The following OPCML variants were observed in gnomAD, a reference collection of about 807,000 sequenced individuals.
The protein encoded by OPCML is opioid-binding protein/cell adhesion molecule.
In OPCML, 13 loss-of-function variants were observed where a neutral mutation model predicts 37.8. The observed-to-expected ratio is 0.34, with a 90% CI of 0.22 to 0.55. The LOEUF is 0.55. Among genes scored for constraint, OPCML ranks in the 20% least tolerant of loss-of-function variants. The pLI, the probability that OPCML is intolerant of heterozygous loss-of-function variation, is 0.91. For synonymous variants in OPCML, 176 were observed against 168.8 expected, an observed-to-expected ratio of 1.04 and a Z score of -0.33; for missense variants, 341 against 435.6, an observed-to-expected ratio of 0.78 and a Z score of 1.93.
At chr11:132,451,610 A>G (rs11223079) in intron 4 of OPCML, among the ~76,000 whole-genome samples, 32,826 of 152,072 alleles carry the variant, frequency 0.22, 7,221 homozygotes, top group African/African-American at 0.56. Context: ...GTTTAGGAGC[A>G]CTGAGGGGAT....
At chr11:133,236,891 T>C (rs1276086260) in intron 1 of OPCML, among the ~76,000 whole-genome samples, 1 of 134,666 alleles carries the variant, frequency 7.4e-6, no homozygotes, top group Non-Finnish European at 1.6e-5. Flanking sequence ...GACATAGCAG[T>C]AGGGAGGATG....
At chr11:133,198,052 G>T (rs371888705) in intron 1 of OPCML, among the ~76,000 whole-genome samples, 3 of 152,098 alleles carry the variant, frequency 2.0e-5, no homozygotes, top group Non-Finnish European at 4.4e-5. Flanking sequence ...ACACTTCTAC[G>T]CTAGCAGAAA....
intron 4 of OPCML, among the ~76,000 whole-genome samples, chr11:132,437,791 T>TA (rs1329257518): frequency 2.6e-5 from 4 of 152,234 alleles, no homozygotes; most frequent in Admixed American, 1.3e-4. Context: ...TTTTCATTTG[T>TA]AGAAATGTTT....
intron 2 of OPCML, among the ~76,000 whole-genome samples, chr11:132,726,292 C>T (rs578055392): frequency 1.3e-5 from 2 of 152,272 alleles, no homozygotes; most frequent in South Asian, 2.1e-4. Context: ...GAACAAGTCA[C>T]ATCTTACATG....
intron 4 of OPCML, among the ~76,000 whole-genome samples, chr11:132,476,125 A>T (rs2096154641): frequency 6.6e-6 from 1 of 152,244 alleles, no homozygotes; most frequent in Non-Finnish European, 1.5e-5. Context: ...ATTTACATGC[A>T]AATTTCAAAT....
chr11:132,438,610 G>A (rs1416622836), intron 4 of OPCML, among the ~76,000 whole-genome samples: 2 of 151,904 alleles, frequency 1.3e-5, no homozygotes, highest in African/African-American at 4.8e-5. Context: ...GGTGTAGGGT[G>A]TGCAGCAGGA....
intron 2 of OPCML, among the ~76,000 whole-genome samples, chr11:132,878,423 T>C (rs1943103072): frequency 6.6e-6 from 1 of 152,186 alleles, no homozygotes; most frequent in Admixed American, 6.5e-5. Flanking sequence ...ACAAAAAGGC[T>C]GAGTAAGGAA....
intron 1 of OPCML, among the ~76,000 whole-genome samples, chr11:133,274,005 T>C (rs904101656): frequency 2.6e-5 from 4 of 152,228 alleles, no homozygotes; most frequent in African/African-American, 9.6e-5. Context: ...TACAAATATA[T>C]AAACATATTT....
At chr11:132,802,386 C>A (rs936486966) in intron 2 of OPCML, among the ~76,000 whole-genome samples, 2 of 152,196 alleles carry the variant, frequency 1.3e-5, no homozygotes, top group African/African-American at 4.8e-5. Flanking sequence ...CCTTGCTTGC[C>A]TATCCAGCTG....
intron 2 of OPCML, among the ~76,000 whole-genome samples, chr11:132,887,888 G>C (rs532799689): frequency 1.4e-4 from 22 of 152,316 alleles, no homozygotes; most frequent in Admixed American, 3.9e-4. Context: ...CTATCCCAGA[G>C]AGAATTTCTC....
At chr11:133,078,310 T>C (rs1324857263) in intron 1 of OPCML, among the ~76,000 whole-genome samples, 2 of 152,112 alleles carry the variant, frequency 1.3e-5, no homozygotes, top group Non-Finnish European at 2.9e-5. Context: ...CAACACAGTA[T>C]CACCTACATT....
chr11:132,631,373 A>G lies in OPCML; in HGVS notation c.379+25714T>C, dbSNP rs991934221. ...TATACATATATATATATATATATAT[A>G]TATCTCCTAGGTGTAAATATACATA... On this transcript the variant is annotated intron_variant, in intron 3 of 7. Coordinates refer to ENST00000524381, the MANE Select transcript of OPCML (RefSeq NM_001012393.5). Among the ~76,000 whole-genome samples, 5 of 134,008 alleles carry G rather than the reference A, an allele frequency of 3.7e-5. No individual in the cohort carries two copies. In the East Asian group the frequency reaches 6.0e-4, roughly 16 times the overall value. The allele number at this position is 134,008 out of a possible 152,430, so 87.9% of individuals were successfully genotyped here. A position where few individuals can be genotyped will look rare whatever the true frequency, so the allele number is the denominator to read the frequency against.
At chr11:133,035,963 C>T (rs1947775839) in intron 1 of OPCML, among the ~76,000 whole-genome samples, 1 of 152,170 alleles carries the variant, frequency 6.6e-6, no homozygotes, top group South Asian at 2.1e-4. Context: ...TCTTGGATTT[C>T]TAGTTCCCAA....
intron 1 of OPCML, among the ~76,000 whole-genome samples, chr11:132,983,834 C>T (rs1273151821): frequency 6.6e-6 from 1 of 152,106 alleles, no homozygotes; most frequent in Admixed American, 6.5e-5. Flanking sequence ...ATGTTAATGG[C>T]CTATTAACAT....
chr11:132,461,059 G>T (rs2096099970), intron 4 of OPCML, among the ~76,000 whole-genome samples: 1 of 152,164 alleles, frequency 6.6e-6, no homozygotes. Flanking sequence ...TGAGGATACT[G>T]AGTGAACCCA....
intron 2 of OPCML, among the ~76,000 whole-genome samples, chr11:132,852,952 G>A (rs1591704718): frequency 6.6e-6 from 1 of 150,900 alleles, no homozygotes; most frequent in African/African-American, 2.4e-5. Flanking sequence ...TATGTAGCCC[G>A]CAAAGCCTAA....
rs1006321829 is a variant in OPCML at position 133,174,090 on chromosome 11, T to C, written c.62-231080A>G. ...TAATTCAATCCTGTGAGATGCCTCG[T>C]TTGATTAATTTATGTCAGCGTTTTC... On this transcript the variant is annotated intron_variant, in intron 1 of 7. Transcript: ENST00000524381. This position sits in a 1 kb window ranked among gnomAD's most constrained non-coding sequence, Gnocchi z 4.6. Among the ~76,000 whole-genome samples, 1 of 152,176 alleles carries C rather than the reference T, an allele frequency of 6.6e-6. No homozygotes were observed. Among genetic ancestry groups the C allele is most frequent in the African/African-American group, 2.4e-5 (1 of 41,440 alleles).
At chr11:132,806,223 A>G (rs926394703) in intron 2 of OPCML, among the ~76,000 whole-genome samples, 2 of 152,166 alleles carry the variant, frequency 1.3e-5, no homozygotes, top group Non-Finnish European at 2.9e-5. Context: ...ATACAAACAA[A>G]AAACCAAATT....
intron 7 of OPCML, among the ~76,000 whole-genome samples, chr11:132,425,186 A>G (rs2095974082): frequency 1.3e-5 from 2 of 152,264 alleles, no homozygotes; most frequent in Admixed American, 6.5e-5. Context: ...GAAACAGTCC[A>G]TACCTTCAAA....
Sources: allele counts gnomAD v4.1 joint callset (sites outside exome capture counted in the v4.1 genomes callset), GRCh38; gene constraint gnomAD v4.1.1; non-coding constraint Gnocchi (gnomAD v3.1); transcripts MANE v1.5; gene names NCBI Gene and HGNC (gene_info 2026-07-23, HGNC 2026-07-21).